PRRC2A: variants seen among roughly 807,000 people sequenced by gnomAD.
PRRC2A encodes the protein proline rich coiled-coil 2A, also known as protein PRRC2A.
A neutral mutation model predicts 224.6 loss-of-function variants in PRRC2A; 59 were observed. That is an observed-to-expected ratio of 0.26 (90% CI 0.21 to 0.33). The LOEUF is 0.33. Ranked by LOEUF, PRRC2A falls within the 10% of genes least tolerant of loss-of-function variation. The probability of loss-of-function intolerance (pLI) is 1.00; values close to 1 mark genes in which losing one functional copy is unlikely to be tolerated. For synonymous variants in PRRC2A, 1,194 were observed against 1,109.5 expected, an observed-to-expected ratio of 1.08 and a Z score of -1.51; for missense variants, 3,095 against 2,880.7, an observed-to-expected ratio of 1.07 and a Z score of -1.70.
intron 2 of PRRC2A, 76 bp from the exon 3 acceptor site, chr6:31,623,656 A>G: frequency 6.7e-7 from 1 of 1,485,526 alleles, no homozygotes; most frequent in Non-Finnish European, 9.3e-7. Context: ...AACATGTATA[A>G]ATGTGTCCCA....
In PRRC2A at chr6:31,628,101, G is replaced by A; in HGVS notation, c.1627G>A (p.Glu543Lys). 1 of 1,612,960 alleles carries A rather than the reference G, an allele frequency of 6.2e-7. No homozygotes were observed. Among genetic ancestry groups the A allele is most frequent in the Non-Finnish European group, 8.5e-7 (1 of 1,179,984 alleles). ...APPPASAPTP[E>K]TEPEEPAQAP... Reference sequence around the variant, plus strand: ...ACCTCCAGCATCAGCCCCAACACCAGAGACAGAACCTGAAGAGCCAGCACA... The same window carrying A: ...ACCTCCAGCATCAGCCCCAACACCAAAGACAGAACCTGAAGAGCCAGCACA... The change falls in exon 12 of 31, where the codon GAG becomes AAG. Residue 543 changes from glutamate to lysine, a missense_variant. Glu to Lys is a moderately conservative substitution (Grantham distance 56, BLOSUM62 1). Transcript: ENST00000376033.
intron 14 of PRRC2A, among the ~76,000 whole-genome samples, 171 bp from the exon 15 acceptor site, chr6:31,630,420 C>G (rs73728958): frequency 0.013 from 2,003 of 152,220 alleles, 46 homozygotes; most frequent in African/African-American, 0.044. Context: ...TGGGTTGATT[C>G]TCTTGTAGGG....
At position 31,633,584 on chromosome 6, in the gene PRRC2A, G is replaced by T. The variant is rs769508608; in HGVS notation, c.4525G>T (p.Gly1509Cys). Residue 1509 changes from glycine to cysteine, a missense_variant, in exon 17 of 31, where the codon GGC (glycine) becomes TGC (cysteine). Transcript: ENST00000376033. ...GCCTGGGCTTCCCCAAGCCCCTCAG[G>T]GCCCCTCTCCTAGGCCCCCAACCCG... The part of the protein sequence containing the change: ...HKPGLPQAPQ[G>C]PSPRPPTRYE... 7 of 1,612,830 alleles carry T rather than the reference G, an allele frequency of 4.3e-6. No individual in the cohort carries two copies. In the African/African-American group the frequency reaches 9.3e-5, roughly 22 times the overall value.
Position 31,636,446 on chromosome 6 carries a change from T to TG in PRRC2A, c.5835+32dup. On this transcript the variant is annotated intron_variant, in intron 26 of 30. Transcript: ENST00000376033. This position sits in a 1 kb window ranked among gnomAD's most constrained non-coding sequence, Gnocchi z 4.3. Reference sequence around the variant, plus strand: ...TAAGAGGGGGGCAGGTATTAGATATTGGGGGATAGGGTAGGGAGAATGATT... The same window carrying TG: ...TAAGAGGGGGGCAGGTATTAGATATTGGGGGGATAGGGTAGGGAGAATGATT... 6.2e-7 allele frequency: 1 copy of TG among 1,612,320 alleles called. No individual in the cohort carries two copies. Among genetic ancestry groups the TG allele is most frequent in the Non-Finnish European group, 8.5e-7 (1 of 1,179,438 alleles).
intron 24 of PRRC2A, 34 bp from the exon 25 acceptor site, chr6:31,635,933 C>T: frequency 6.4e-7 from 1 of 1,555,730 alleles, no homozygotes; most frequent in Non-Finnish European, 8.8e-7. Flanking sequence ...ACCACAGATA[C>T]TAAAGCTGTT....
In PRRC2A at chr6:31,625,725, C is replaced by T. The variant is rs964490731; in HGVS notation, c.760-67C>T. ...GGGAGGGTGGGAGGATGATTGATAG[C>T]AGGCTTAAGGAGCTAGAAGGGTATA... On this transcript the variant is annotated intron_variant, in intron 7 of 30. Coordinates refer to ENST00000376033, the MANE Select transcript of PRRC2A (RefSeq NM_004638.4). This position sits in a 1 kb window ranked among gnomAD's most constrained non-coding sequence, Gnocchi z 4.1. 2 of 1,569,092 alleles carry T rather than the reference C, an allele frequency of 1.3e-6. No individual in the cohort carries two copies. The highest frequency in any genetic ancestry group is 1.4e-5 in the African/African-American group (1 of 73,864).
chr6:31,626,944 T>C, intron 10 of PRRC2A, 38 bp from the exon 11 acceptor site: 1 of 1,613,318 alleles, frequency 6.2e-7, no homozygotes, highest in Non-Finnish European at 8.5e-7. Context: ...GTATATTAGT[T>C]GCAGCTGATT....
At position 31,636,216 on chromosome 6, in the gene PRRC2A, C is replaced by T; in HGVS notation, c.5632C>T (p.Pro1878Ser). The T allele has an allele frequency of 6.2e-7, 1 of 1,612,328 alleles. No homozygotes were observed. Among genetic ancestry groups the T allele is most frequent in the Non-Finnish European group, 8.5e-7 (1 of 1,178,952 alleles). ...CCCACAATTTATTTTCAGATCACAG[C>T]CCCTATACCTACCCCCCGGCCCAGC... ...TPSLHPYRSQ[P>S]LYLPPGPAPP... Residue 1878 changes from proline (P) to serine (S), a missense_variant, in exon 26 of 31, where the codon CCC becomes TCC. Pro to Ser is a moderately conservative substitution (Grantham distance 74). This residue lies in a region of PRRC2A where 662 missense variants were observed against 609.5 expected (regional missense o/e 1.09). Coordinates refer to ENST00000376033, the MANE Select transcript of PRRC2A (RefSeq NM_004638.4). The surrounding 1 kb of genome is among the most constrained non-coding windows in gnomAD (Gnocchi z 4.3).
rs1413001267 is a variant in PRRC2A at position 31,632,928 on chromosome 6, C to T, written c.4255C>T (p.Pro1419Ser). The T allele has an allele frequency of 1.2e-6, 2 of 1,612,054 alleles. No individual in the cohort carries two copies. Among genetic ancestry groups the T allele is most frequent in the Non-Finnish European group, 1.7e-6 (2 of 1,179,512 alleles). Reference sequence around the variant, plus strand: ...CAGCAGTGGAGGAGGCGGTGGGGGTCCTGGAGGAAGGACCGGGCCAGGACG... The same window carrying T: ...CAGCAGTGGAGGAGGCGGTGGGGGTTCTGGAGGAAGGACCGGGCCAGGACG... ...GSSSGGGGGGPGGRTGPGRGD... is the reference protein window; with the variant it reads ...GSSSGGGGGGSGGRTGPGRGD... Residue 1419 changes from proline (P) to serine (S), a missense_variant, in exon 16 of 31, where the codon CCT becomes TCT. Pro to Ser is a moderately conservative substitution (Grantham distance 74). This residue lies in a region of PRRC2A where 2,001 missense variants were observed against 1,764.9 expected (regional missense o/e 1.13). Transcript: ENST00000376033.
rs1377381258 is a variant in PRRC2A, at chr6:31,625,686, C to T, written c.759+75C>T. ...CTAGGAATCAGGACTTAGTCTTTGA[C>T]CTATGAGATAGAAGGGAGGGTGGGA... is the stretch of plus-strand genomic sequence containing the variant. On this transcript the variant is annotated intron_variant, in intron 7 of 30. Coordinates refer to ENST00000376033, the MANE Select transcript of PRRC2A (RefSeq NM_004638.4). This position sits in a 1 kb window ranked among gnomAD's most constrained non-coding sequence, Gnocchi z 4.1. 3 of 1,595,568 alleles carry T rather than the reference C, an allele frequency of 1.9e-6. No homozygotes were observed. Among genetic ancestry groups the T allele is most frequent in the Non-Finnish European group, 8.6e-7 (1 of 1,163,498 alleles).
chr6:31,631,943 G>C lies in PRRC2A; in HGVS notation c.3270G>C (p.Glu1090Asp), dbSNP rs1205971733. The change falls in exon 16 of 31, where the codon GAG becomes GAC. Residue 1090 changes from glutamate (E) to aspartate (D), a missense_variant. Glu to Asp is a conservative substitution (Grantham distance 45). Coordinates refer to ENST00000376033, the MANE Select transcript of PRRC2A (RefSeq NM_004638.4). This position sits in a 1 kb window ranked among gnomAD's most constrained non-coding sequence, Gnocchi z 4.5. ...RGRTASETRS[E>D]GSEYEEIPKR... The stretch of plus-strand genomic sequence containing the variant: ...GCACTGCCAGCGAGACACGGAGCGA[G>C]GGTTCAGAGTATGAGGAAATCCCCA... 1 of 1,612,884 alleles carries C rather than the reference G, an allele frequency of 6.2e-7. No individual in the cohort carries two copies. The highest frequency in any genetic ancestry group is 1.7e-5 in the Admixed American group (1 of 60,004).
At position 31,629,705 on chromosome 6, in the gene PRRC2A, C is replaced by T. The variant is rs1776322195; in HGVS notation, c.2114C>T (p.Pro705Leu). Residue 705 changes from proline (P) to leucine (L), a missense_variant, in exon 14 of 31, where the codon CCA becomes CTA. Coordinates refer to ENST00000376033, the MANE Select transcript of PRRC2A (RefSeq NM_004638.4). ...CCCCCGCCCCCCAAGGCCCTGTACC[C>T]AGGTGCTCTGGGCCGGCCCCCACCC... Reference protein sequence around the residue: ...APPPPPKALYPGALGRPPPMP... With the variant: ...APPPPPKALYLGALGRPPPMP... 1.2e-6 allele frequency: 2 copies of T among 1,604,200 alleles called. No homozygotes were observed. Among genetic ancestry groups the T allele is most frequent in the Non-Finnish European group, 1.7e-6 (2 of 1,173,910 alleles).
At chr6:31,626,310 T>G in intron 9 of PRRC2A, 148 bp downstream of exon 9, 1 of 1,053,846 alleles carries the variant, frequency 9.5e-7, no homozygotes, top group Non-Finnish European at 1.3e-6. Context: ...CCCAGTGCTT[T>G]GGGAGTGTTA....
At position 31,624,042 on chromosome 6, in the gene PRRC2A, C is replaced by T. The variant is rs1045200490; in HGVS notation, c.290+133C>T. ...TCCCTTTCTTACCTATTGCAGGTTC[C>T]TTGTTAAATGACTAAGGAATGGTAC... is the stretch of plus-strand genomic sequence containing the variant. On this transcript the variant is annotated intron_variant, in intron 3 of 30. Coordinates refer to ENST00000376033, the MANE Select transcript of PRRC2A (RefSeq NM_004638.4). 75 of 1,212,290 alleles carry T rather than the reference C, an allele frequency of 6.2e-5. 2 individuals are homozygous for T. Among genetic ancestry groups the T allele is most frequent in the Non-Finnish European group, 3.3e-5 (29 of 875,672 alleles). The allele number at this position is 1,212,290 out of a possible 1,614,324, so 75.1% of individuals were successfully genotyped here.
chr6:31,634,574 G>A lies in PRRC2A; in HGVS notation c.4935+17G>A, dbSNP rs1367856618. 6.2e-7 allele frequency: 1 copy of A among 1,608,090 alleles called. No homozygotes were observed. Among genetic ancestry groups the A allele is most frequent in the Non-Finnish European group, 8.5e-7 (1 of 1,177,674 alleles). On this transcript the variant is annotated intron_variant, in intron 20 of 30. Transcript: ENST00000376033. ...GGCACAGAAGTGAGTGAGGGTGGGA[G>A]GGTGTGTCTGAGCTGGGACTTTTTT...
Position 31,622,675 on chromosome 6 carries a change from T to G in PRRC2A, c.-100-15T>G. On this transcript the variant is annotated splice_polypyrimidine_tract_variant and intron_variant, in intron 1 of 30. Transcript: ENST00000376033. ...ATGCAATGGAGTTTTTAAGTTTCTG[T>G]TATGGTCTGTACAGGGGACAGAGAC... is the stretch of plus-strand genomic sequence containing the variant. The G allele has an allele frequency of 1.4e-6, 1 of 723,552 alleles. No homozygotes were observed. Among genetic ancestry groups the G allele is most frequent in the Non-Finnish European group, 2.4e-6 (1 of 419,904 alleles). 44.8% of individuals were successfully genotyped at this position (723,552 alleles called of 1,614,324 possible).
At chr6:31,630,284 T>G (rs560813700) in intron 14 of PRRC2A, among the ~76,000 whole-genome samples, 1 of 152,224 alleles carries the variant, frequency 6.6e-6, no homozygotes, top group East Asian at 1.9e-4. Flanking sequence ...GCCATCGCAC[T>G]CCAGCTTAGG....
At position 31,626,777 on chromosome 6, in the gene PRRC2A, C is replaced by T; in HGVS notation, c.988C>T (p.His330Tyr). 2 of 1,577,740 alleles carry T rather than the reference C, an allele frequency of 1.3e-6. No homozygotes were observed. The highest frequency in any genetic ancestry group is 2.3e-5 in the East Asian group (1 of 43,928). The change falls in exon 10 of 31, where the codon CAT becomes TAT. Residue 330 changes from histidine (H) to tyrosine (Y), a missense_variant. Transcript: ENST00000376033. ...QENDDGWAGAHEEVDYTEKLK... is the reference protein window; with the variant it reads ...QENDDGWAGAYEEVDYTEKLK... Reference sequence around the variant, plus strand: ...ATACTCATATTTCCCCTCAGGGGCCCATGAAGAGGTTGACTACACTGAAAA... The same window carrying T: ...ATACTCATATTTCCCCTCAGGGGCCTATGAAGAGGTTGACTACACTGAAAA...
In PRRC2A at chr6:31,633,848, C is replaced by T; in HGVS notation, c.4589-11C>T. 1 of 1,572,378 alleles carries T rather than the reference C, an allele frequency of 6.4e-7. No homozygotes were observed. Among genetic ancestry groups the T allele is most frequent in the Non-Finnish European group, 8.6e-7 (1 of 1,168,106 alleles). On this transcript the variant is annotated splice_polypyrimidine_tract_variant and intron_variant, in intron 17 of 30. Transcript: ENST00000376033. ...AGCCAGGCAGATGCTGACCCTTTTT[C>T]TCTTTCCCAGACCCCCACTTTGAGG... is the stretch of plus-strand genomic sequence containing the variant.
Sources: allele counts gnomAD v4.1 joint callset (sites outside exome capture counted in the v4.1 genomes callset), GRCh38; gene constraint gnomAD v4.1.1; regional missense constraint gnomAD v4.1.1; non-coding constraint Gnocchi (gnomAD v3.1); transcripts MANE v1.5; gene names NCBI Gene and HGNC (gene_info 2026-07-23, HGNC 2026-07-21).